Variants in RIMBP2 observed in about 807,000 individuals in gnomAD.
RIMBP2 encodes the protein RIMS-binding protein 2.
Under a neutral mutation model 118.6 loss-of-function variants are expected in RIMBP2, and 48 were observed. That is an observed-to-expected ratio of 0.40 (90% CI 0.32 to 0.51). The LOEUF is 0.51. Ranked by LOEUF, RIMBP2 falls within the 20% of genes least tolerant of loss-of-function variation. The pLI, the probability that RIMBP2 is intolerant of heterozygous loss-of-function variation, is 0.41. For synonymous variants in RIMBP2, 762 were observed against 742.9 expected (o/e 1.03, Z -0.42); for missense variants, 1,551 against 1,768.3 (o/e 0.88, Z 2.20).
chr12:130,570,666 G>A (rs2057563493), intron 2 of RIMBP2, among the ~76,000 whole-genome samples: 2 of 152,144 alleles, frequency 1.3e-5, no homozygotes, highest in Admixed American at 1.3e-4. Flanking sequence ...GAGTCGTCTA[G>A]TCTGCCTGCT....
rs199809456 is a variant in RIMBP2, at chr12:130,438,371, C to T, written c.1650G>A (p.Gly550=). Residue 550 remains glycine, a synonymous_variant, in exon 12 of 23, where the codon GGG becomes GGA. Transcript: ENST00000690449. ...CCACCCAACGAAAACTCACCCTCTGCCCTTTGGCATACACGCCGTAGCCGG... is the reference window on the plus strand; with the variant it reads ...CCACCCAACGAAAACTCACCCTCTGTCCTTTGGCATACACGCCGTAGCCGG... The part of the protein sequence containing the change: ...NVTGYGVYAK[G]QRVAEVIFPT... The T allele has an allele frequency of 1.4e-6, 2 of 1,479,824 alleles. No homozygotes were observed. The highest frequency in any genetic ancestry group is 1.8e-6 in the Non-Finnish European group (2 of 1,082,114). 91.7% of individuals were successfully genotyped at this position (1,479,824 alleles called of 1,614,324 possible).
At chr12:130,669,320 CAAGAT>C (rs1204720920) in intron 1 of RIMBP2, 1 of 152,202 alleles carries the variant, frequency 6.6e-6, no homozygotes, top group Non-Finnish European at 1.5e-5. Context: ...CTTGCACTAA[CAAGAT>C]AAGACCCAAG....
chr12:130,409,085 T>G (rs918541107), intron 19 of RIMBP2, among the ~76,000 whole-genome samples: 16 of 152,150 alleles, frequency 1.1e-4, no homozygotes, highest in Non-Finnish European at 1.9e-4. Context: ...TTTTGAAAGG[T>G]GGCATAACAA....
At chr12:130,487,829 TGACAGCAAA>T (rs1253616775) in intron 4 of RIMBP2, among the ~76,000 whole-genome samples, 1 of 152,098 alleles carries the variant, frequency 6.6e-6, no homozygotes, top group African/African-American at 2.4e-5. Context: ...GCAGAATCAA[TGACAGCAAA>T]GGTGAGGCCT....
At chr12:130,433,324 G>A (rs1340383287) in intron 14 of RIMBP2, among the ~76,000 whole-genome samples, 1 of 152,214 alleles carries the variant, frequency 6.6e-6, no homozygotes, top group African/African-American at 2.4e-5. Flanking sequence ...CACAGAGGAT[G>A]CTACAGATAT....
chr12:130,622,820 A>G lies in RIMBP2; in HGVS notation c.-217+5502T>C, dbSNP rs1331949456. ...CAAAATTCTCCACAAAAGGCATAGA[A>G]GACAAAATTTCTCTCTCTCTGACCC... On this transcript the variant is annotated intron_variant, in intron 2 of 22. Coordinates refer to ENST00000690449, the MANE Select transcript of RIMBP2 (RefSeq NM_001393629.1). This position sits in a 1 kb window ranked among gnomAD's most constrained non-coding sequence, Gnocchi z 8.5. Among the ~76,000 whole-genome samples the G allele has an allele frequency of 6.6e-6, 1 of 152,234 alleles. No individual in the cohort carries two copies. Among genetic ancestry groups the G allele is most frequent in the East Asian group, 1.9e-4 (1 of 5,198 alleles).
chr12:130,403,413 G>A (rs1433921263), intron 21 of RIMBP2, among the ~76,000 whole-genome samples: 1 of 152,126 alleles, frequency 6.6e-6, no homozygotes, highest in Non-Finnish European at 1.5e-5. Context: ...CATAACTGGG[G>A]AATAGAAACA....
chr12:130,708,196 A>G (rs1949638887), intron 1 of RIMBP2, among the ~76,000 whole-genome samples: 1 of 152,196 alleles, frequency 6.6e-6, no homozygotes. Context: ...ACATCTATAG[A>G]GACAGCAGAT....
At chr12:130,601,741 G>C (rs1697843272) in intron 2 of RIMBP2, among the ~76,000 whole-genome samples, 1 of 152,216 alleles carries the variant, frequency 6.6e-6, no homozygotes, top group Non-Finnish European at 1.5e-5. Context: ...CAATAGTCTT[G>C]AATCTCAAAT....
chr12:130,493,476 G>C (rs77580582), intron 4 of RIMBP2, among the ~76,000 whole-genome samples: 2 of 151,878 alleles, frequency 1.3e-5, no homozygotes, highest in Non-Finnish European at 2.9e-5. Context: ...CACCACGCCT[G>C]GTTAATTTTT....
intron 3 of RIMBP2, among the ~76,000 whole-genome samples, chr12:130,515,702 A>ATT (rs34092889): frequency 1.3e-5 from 2 of 149,570 alleles, no homozygotes; most frequent in South Asian, 2.1e-4. Flanking sequence ...CTCCTTTTCA[A>ATT]TTTTTTTTTT....
intron 5 of RIMBP2, among the ~76,000 whole-genome samples, chr12:130,478,344 C>G (rs1437520314): frequency 6.6e-6 from 1 of 152,218 alleles, no homozygotes; most frequent in Non-Finnish European, 1.5e-5. Flanking sequence ...CTCAAGACAG[C>G]AGAATCAAAC....
intron 3 of RIMBP2, among the ~76,000 whole-genome samples, chr12:130,517,613 C>T (rs936988708): frequency 2.6e-5 from 4 of 151,990 alleles, no homozygotes; most frequent in Non-Finnish European, 5.9e-5. Context: ...TAATAGACTT[C>T]CAAGCAGAGA....
At chr12:130,711,587 T>G (rs1397380757) in intron 1 of RIMBP2, among the ~76,000 whole-genome samples, 1 of 152,256 alleles carries the variant, frequency 6.6e-6, no homozygotes, top group African/African-American at 2.4e-5. Context: ...ACTTAAAGTT[T>G]ATATTGTGTG....
chr12:130,655,273 C>A (rs563320197), intron 1 of RIMBP2, among the ~76,000 whole-genome samples: 92 of 152,240 alleles, frequency 6.0e-4, no homozygotes, highest in Admixed American at 1.9e-3. Flanking sequence ...TTATTTTCTT[C>A]ATTGCTCTTG....
chr12:130,440,203 C>T (rs1197293171), intron 11 of RIMBP2, among the ~76,000 whole-genome samples: 1 of 142,100 alleles, frequency 7.0e-6, no homozygotes, highest in East Asian at 2.1e-4. Flanking sequence ...TAACCCTGGC[C>T]GTACCTGCAC....
At chr12:130,614,212 A>C (rs926903998) in intron 2 of RIMBP2, among the ~76,000 whole-genome samples, 1 of 152,186 alleles carries the variant, frequency 6.6e-6, no homozygotes, top group Non-Finnish European at 1.5e-5. Flanking sequence ...TTCCTTAAAG[A>C]GTACAATAAA....
intron 1 of RIMBP2, among the ~76,000 whole-genome samples, chr12:130,644,614 A>G (rs992457650): frequency 6.6e-6 from 1 of 152,228 alleles, no homozygotes; most frequent in Non-Finnish European, 1.5e-5. Context: ...CTGCGTATAA[A>G]GCCCAGGAAT....
At chr12:130,679,392 C>T (rs2064659116) in intron 1 of RIMBP2, among the ~76,000 whole-genome samples, 1 of 152,234 alleles carries the variant, frequency 6.6e-6, no homozygotes, top group African/African-American at 2.4e-5. Context: ...TCATTAATTA[C>T]TAGGAAACAA....
Sources: allele counts gnomAD v4.1 joint callset (sites outside exome capture counted in the v4.1 genomes callset), GRCh38; gene constraint gnomAD v4.1.1; non-coding constraint Gnocchi (gnomAD v3.1); transcripts MANE v1.5; gene names NCBI Gene and HGNC (gene_info 2026-07-23, HGNC 2026-07-21).